MADD: variants seen among roughly 807,000 people sequenced by gnomAD.
MADD encodes MAP kinase activating death domain.
A neutral mutation model predicts 176.7 loss-of-function variants in MADD; 109 were observed. The ratio of observed to expected loss-of-function variants is 0.62; its 90% CI spans 0.53 to 0.72. The LOEUF is 0.72. Among genes scored for constraint, MADD ranks in the 30% least tolerant of loss-of-function variants. MADD has a pLI of 0.00. For missense variants in MADD, 1,914 were observed against 2,045.5 expected, an observed-to-expected ratio of 0.94 and a Z score of 1.24; for synonymous variants, 771 against 771.3, an observed-to-expected ratio of 1.00 and a Z score of 0.01.
chr11:47,322,287 T>G (rs1271674963), intron 27 of MADD, among the ~76,000 whole-genome samples: 2 of 152,082 alleles, frequency 1.3e-5, no homozygotes, highest in African/African-American at 4.8e-5. Flanking sequence ...TGTGCTGTAA[T>G]GTCTCCCGTA....
chr11:47,298,004 G>A (rs1340085549), intron 22 of MADD, among the ~76,000 whole-genome samples: 2 of 151,488 alleles, frequency 1.3e-5, no homozygotes, highest in African/African-American at 4.9e-5. Context: ...TAGCCAGGAT[G>A]GTATCAATCT....
At chr11:47,315,079 A>T (rs948587060) in intron 26 of MADD, 141 bp from the exon 30 acceptor site, 10 of 476,348 alleles carry the variant, frequency 2.1e-5, no homozygotes, top group Admixed American at 7.3e-5. Flanking sequence ...ATCTGAAACC[A>T]CTTCCCTGGT....
At chr11:47,329,147 C>T (rs775199364) in exon 33 of MADD, 2 of 1,613,380 alleles carry the variant, frequency 1.2e-6, no homozygotes, top group South Asian at 2.2e-5. Context: ...CTGTCTCTAG[C>T]TGATGGAGAG....
chr11:47,278,225 C>T (rs1438391934), exon 6 of MADD: 1 of 1,614,152 alleles, frequency 6.2e-7, no homozygotes, highest in Admixed American at 1.7e-5. Flanking sequence ...CCTCTACAAA[C>T]TGGACTTCAA....
At chr11:47,289,203 G>T (rs2063211981) in intron 15 of MADD, among the ~76,000 whole-genome samples, 176 bp downstream of exon 16, 1 of 152,158 alleles carries the variant, frequency 6.6e-6, no homozygotes, top group Non-Finnish European at 1.5e-5. Flanking sequence ...ATGTGGAGTG[G>T]CCTGAGTCTC....
At chr11:47,275,262 A>G (rs778632368) in intron 3 of MADD, 103 bp downstream of exon 3, 19 of 935,148 alleles carry the variant, frequency 2.0e-5, no homozygotes, top group African/African-American at 5.0e-5. Context: ...AAGGTCCTTC[A>G]GACCTATTAA....
intron 27 of MADD, among the ~76,000 whole-genome samples, chr11:47,323,143 C>G (rs1487816875): frequency 6.6e-6 from 1 of 150,792 alleles, no homozygotes; most frequent in African/African-American, 2.4e-5. Context: ...GAGGCTGAGG[C>G]AGGAGAATCA....
intron 22 of MADD, among the ~76,000 whole-genome samples, chr11:47,300,115 C>G (rs997570505): frequency 6.6e-6 from 1 of 151,566 alleles, no homozygotes; most frequent in Non-Finnish European, 1.5e-5. Flanking sequence ...TTATCAAATA[C>G]TTTTGTATTT....
chr11:47,301,905 G>C (rs2078061355), intron 22 of MADD, among the ~76,000 whole-genome samples: 1 of 152,176 alleles, frequency 6.6e-6, no homozygotes. Context: ...TGAAAAGAAT[G>C]TGTATTCTAC....
At chr11:47,290,344 C>T in intron 18 of MADD, 45 bp downstream of exon 19, 1 of 1,597,630 alleles carries the variant, frequency 6.3e-7, no homozygotes, top group Non-Finnish European at 8.6e-7. Flanking sequence ...CTAACTCTGC[C>T]ACTTGTCTCC....
At chr11:47,295,786 A>C in intron 21 of MADD, 111 bp from the exon 24 acceptor site, 1 of 1,525,120 alleles carries the variant, frequency 6.6e-7, no homozygotes, top group African/African-American at 1.4e-5. Flanking sequence ...AGGCTATCTG[A>C]CACACTTTTG....
chr11:47,303,197 A>G (rs1283528062), intron 22 of MADD, among the ~76,000 whole-genome samples: 1 of 150,530 alleles, frequency 6.6e-6, no homozygotes, highest in African/African-American at 2.4e-5. Flanking sequence ...TGTTAGTTTA[A>G]TAGAGATTCC....
At chr11:47,298,567 A>G (rs1237381221) in intron 22 of MADD, among the ~76,000 whole-genome samples, 1 of 152,146 alleles carries the variant, frequency 6.6e-6, no homozygotes, top group South Asian at 2.1e-4. Flanking sequence ...TCTTTCTTGT[A>G]TATTCTGGCT....
exon 12 of MADD, chr11:47,284,468 C>T: frequency 6.2e-7 from 1 of 1,614,112 alleles, no homozygotes; most frequent in Admixed American, 1.7e-5. Flanking sequence ...GAGCCTGGCC[C>T]AGACAGTGAG....
intron 22 of MADD, among the ~76,000 whole-genome samples, chr11:47,299,404 A>G (rs1396427631): frequency 1.3e-5 from 2 of 151,894 alleles, no homozygotes; most frequent in East Asian, 3.9e-4. Context: ...ATTTCTCCTA[A>G]GAATTTATTC....
chr11:47,275,104 T>G, exon 3 of MADD: 1 of 1,614,114 alleles, frequency 6.2e-7, no homozygotes, highest in East Asian at 2.2e-5. Flanking sequence ...CCTGGTGGAC[T>G]GCTGTAGTGA....
rs2141268385 is a variant in MADD, at chr11:47,315,340, T to C, written c.4197+13T>C. 1.3e-6 allele frequency: 2 copies of C among 1,554,932 alleles called. No homozygotes were observed. Among genetic ancestry groups the C allele is most frequent in the East Asian group, 4.5e-5 (2 of 44,552 alleles). On this transcript the variant is annotated intron_variant, in intron 27 of 32. Transcript: ENST00000402192. ...CTTTTTCATGGAGGTAGGTGCTGGT[T>C]CATGCTGGGGGCCCAAAGGGCTATT...
At chr11:47,326,493 CCATT>C in intron 30 of MADD, 47 bp from the exon 34 acceptor site, 1 of 1,328,098 alleles carries the variant, frequency 7.5e-7, no homozygotes, top group Non-Finnish European at 9.6e-7. Flanking sequence ...TTGGGTTTGA[CCATT>C]CAAACTAACG....
At chr11:47,289,089 C>A in intron 15 of MADD, 62 bp downstream of exon 16, 1 of 1,466,866 alleles carries the variant, frequency 6.8e-7, no homozygotes, top group Non-Finnish European at 9.2e-7. Context: ...TCTGTGCCTG[C>A]CCGAGGGCCA....
Sources: gnomAD v4.1 joint callset for allele counts (sites outside exome capture counted in the v4.1 genomes callset) on GRCh38, gnomAD v4.1.1 for gene constraint, MANE v1.5 for transcripts, NCBI Gene and HGNC (gene_info 2026-07-23, HGNC 2026-07-21) for gene names.